LDAH: variants seen among roughly 807,000 people sequenced by gnomAD.
The protein encoded by LDAH is lipid droplet associated hydrolase.
Under a neutral mutation model 29.6 loss-of-function variants are expected in LDAH, and 26 were observed. That is an observed-to-expected ratio of 0.88 (90% CI 0.64 to 1.22). The LOEUF is 1.22. Ranked by LOEUF, LDAH falls within the 50% of genes most tolerant of loss-of-function variation. The probability of loss-of-function intolerance (pLI) is 0.00; values close to 1 mark genes in which losing one functional copy is unlikely to be tolerated. For missense variants in LDAH, 344 were observed against 387.3 expected, an observed-to-expected ratio of 0.89 and a Z score of 0.94; for synonymous variants, 117 against 133.0, an observed-to-expected ratio of 0.88 and a Z score of 0.83.
rs1231479453 is a variant in LDAH at position 20,684,910 on chromosome 2, T to G, written c.*1993A>C. On this transcript the variant is annotated 3_prime_UTR_variant, in exon 7 of 7. Coordinates refer to ENST00000237822, the MANE Select transcript of LDAH (RefSeq NM_021925.4). ...CAGAATGAACTTCAGTCTCTTGAAATCTGATTCTTCCACCTATGAAAAAAG... is the reference window on the plus strand; with the variant it reads ...CAGAATGAACTTCAGTCTCTTGAAAGCTGATTCTTCCACCTATGAAAAAAG... The G allele has an allele frequency of 1.1e-5, 17 of 1,550,026 alleles. No individual in the cohort carries two copies. Among genetic ancestry groups the G allele is most frequent in the Non-Finnish European group, 1.5e-5 (17 of 1,146,776 alleles).
At chr2:20,705,537 T>C (rs568210300) in intron 5 of LDAH, among the ~76,000 whole-genome samples, 1 of 152,348 alleles carries the variant, frequency 6.6e-6, no homozygotes, top group East Asian at 1.9e-4. Flanking sequence ...GTATTGGCTC[T>C]CTTAGACTAA....
At chr2:20,728,760 T>C (rs963854305) in intron 5 of LDAH, among the ~76,000 whole-genome samples, 1 of 151,888 alleles carries the variant, frequency 6.6e-6, no homozygotes, top group Admixed American at 6.6e-5. Context: ...GACAGGTAAC[T>C]AACTACTGCC....
chr2:20,684,805 C>G lies in LDAH; in HGVS notation c.*2098G>C, dbSNP rs1233218142. ...TCACAAAGACCATCCATGTGGTTGA[C>G]TGGGACATACAGGCAGAGCTGCTTC... On this transcript the variant is annotated 3_prime_UTR_variant, in exon 7 of 7. Transcript: ENST00000237822. 5.4e-6 allele frequency: 8 copies of G among 1,472,756 alleles called. No homozygotes were observed. The highest frequency in any genetic ancestry group is 7.3e-6 in the Non-Finnish European group (8 of 1,093,554). 91.2% of individuals were successfully genotyped at this position (1,472,756 alleles called of 1,614,324 possible).
At chr2:20,801,533 T>A in intron 1 of LDAH, 68 bp from the exon 2 acceptor site, 1 of 1,408,862 alleles carries the variant, frequency 7.1e-7, no homozygotes, top group Admixed American at 1.9e-5. Flanking sequence ...AAGACAAAAT[T>A]CAAGAATAAA....
intron 5 of LDAH, among the ~76,000 whole-genome samples, chr2:20,717,882 G>A (rs1665337391): frequency 6.6e-6 from 1 of 152,164 alleles, no homozygotes; most frequent in African/African-American, 2.4e-5. Flanking sequence ...GACCTGCTGG[G>A]CTCTAGAGAT....
chr2:20,717,078 C>T (rs531084354), intron 5 of LDAH, among the ~76,000 whole-genome samples: 10 of 152,236 alleles, frequency 6.6e-5, no homozygotes, highest in Admixed American at 5.9e-4. Flanking sequence ...AACTTGATTT[C>T]TACCTTCAAC....
chr2:20,689,736 GC>G (rs2149327537), intron 6 of LDAH, among the ~76,000 whole-genome samples: 1 of 152,276 alleles, frequency 6.6e-6, no homozygotes, highest in African/African-American at 2.4e-5. Flanking sequence ...CAGTTACTCA[GC>G]ACTTCCTCAG....
intron 5 of LDAH, among the ~76,000 whole-genome samples, chr2:20,737,721 A>T (rs114475648): frequency 0.013 from 1,999 of 152,268 alleles, 46 homozygotes; most frequent in African/African-American, 0.046. Context: ...CATCTGTTCC[A>T]TAATATTTTC....
intron 4 of LDAH, among the ~76,000 whole-genome samples, chr2:20,769,241 A>G (rs1669249991): frequency 6.6e-6 from 1 of 152,152 alleles, no homozygotes; most frequent in Non-Finnish European, 1.5e-5. Context: ...AAGCTCTTCC[A>G]GGAAGCTTTT....
intron 4 of LDAH, among the ~76,000 whole-genome samples, chr2:20,740,598 C>G (rs1394731604): frequency 6.6e-6 from 1 of 152,166 alleles, no homozygotes; most frequent in Non-Finnish European, 1.5e-5. Flanking sequence ...CGTGACCCAC[C>G]ATGTCCAGGC....
At chr2:20,701,781 G>A in intron 5 of LDAH, 129 bp from the exon 6 acceptor site, 1 of 721,438 alleles carries the variant, frequency 1.4e-6, no homozygotes, top group Non-Finnish European at 2.4e-6. Flanking sequence ...ATACTGGTGA[G>A]GCCAACAGAG....
At chr2:20,733,711 A>T (rs970054722) in intron 5 of LDAH, among the ~76,000 whole-genome samples, 2 of 150,946 alleles carry the variant, frequency 1.3e-5, no homozygotes, top group Admixed American at 1.3e-4. Context: ...GCCAATTTTT[A>T]AATTTTTTAT....
chr2:20,815,506 A>G (rs77321430), intron 1 of LDAH, among the ~76,000 whole-genome samples: 12,488 of 152,222 alleles, frequency 0.082, 741 homozygotes, highest in Non-Finnish European at 0.13. Flanking sequence ...AATTAAAAAC[A>G]AAGAAAAAAA....
intron 2 of LDAH, among the ~76,000 whole-genome samples, chr2:20,799,586 T>C (rs1005437826): frequency 6.6e-6 from 1 of 152,176 alleles, no homozygotes; most frequent in South Asian, 2.1e-4. Context: ...CCAATTCTGT[T>C]GGTATAAATA....
chr2:20,736,367 A>T (rs1666785728), intron 5 of LDAH, among the ~76,000 whole-genome samples: 1 of 152,056 alleles, frequency 6.6e-6, no homozygotes, highest in Non-Finnish European at 1.5e-5. Context: ...GCTTGAACCC[A>T]GGAGGCGGAG....
At chr2:20,772,087 T>C (rs1225591590) in intron 4 of LDAH, among the ~76,000 whole-genome samples, 3 of 152,138 alleles carry the variant, frequency 2.0e-5, no homozygotes, top group African/African-American at 4.8e-5. Flanking sequence ...CCAACAGACA[T>C]TGTGAATATG....
intron 5 of LDAH, among the ~76,000 whole-genome samples, chr2:20,736,608 T>C (rs991768111): frequency 1.7e-4 from 26 of 152,218 alleles, no homozygotes; most frequent in African/African-American, 5.5e-4. Flanking sequence ...CAGGAGAAGC[T>C]CTAAAAATGG....
At position 20,801,345 on chromosome 2, in the gene LDAH, A is replaced by G. The variant is rs148286623; in HGVS notation, c.119T>C (p.Val40Ala). 8.1e-6 allele frequency: 13 copies of G among 1,614,126 alleles called. No individual in the cohort carries two copies. The Middle Eastern group carries it at 6.6e-4, about 82-fold the overall frequency. Reference protein sequence around the residue: ...PWTDLFHDQSVKRPKLLIFII... With the variant: ...PWTDLFHDQSAKRPKLLIFII... ...GAAAATAAGCAGCTTAGGCCTTTTGACACTTTGATCATGAAAGAGGTCTGT... is the reference window on the plus strand; with the variant it reads ...GAAAATAAGCAGCTTAGGCCTTTTGGCACTTTGATCATGAAAGAGGTCTGT... The change falls in exon 2 of 7, where the codon GTC becomes GCC. Residue 40 changes from valine to alanine, a missense_variant. By Grantham distance (64) the Val-to-Ala change is moderately conservative. Transcript: ENST00000237822.
In LDAH at chr2:20,816,959, A is replaced by T. The variant is rs115794267; in HGVS notation, c.-3+6078T>A. ...TTGGAAACTAAATGACACACTCCCA[A>T]ATATTTTCATGGGTCAAGCAAATTT... On this transcript the variant is annotated intron_variant, in intron 1 of 6. Coordinates refer to ENST00000237822, the MANE Select transcript of LDAH (RefSeq NM_021925.4). Among the ~76,000 whole-genome samples, 1,194 of 152,168 alleles carry T rather than the reference A, an allele frequency of 7.8e-3. 8 individuals carry two copies. The highest frequency in any genetic ancestry group is 0.027 in the African/African-American group (1,134 of 41,560).
Sources: gnomAD v4.1 joint callset for allele counts (sites outside exome capture counted in the v4.1 genomes callset) on GRCh38, gnomAD v4.1.1 for gene constraint, MANE v1.5 for transcripts, NCBI Gene and HGNC (gene_info 2026-07-23, HGNC 2026-07-21) for gene names.